Variants in TP63 observed in about 807,000 individuals in gnomAD.
The protein encoded by TP63 is tumor protein 63.
Under a neutral mutation model 82.8 loss-of-function variants are expected in TP63, and 17 were observed. The ratio of observed to expected loss-of-function variants is 0.21; its 90% CI spans 0.14 to 0.31. The LOEUF is 0.31. Ranked by LOEUF, TP63 falls within the 10% of genes least tolerant of loss-of-function variation. The pLI is 1.00. For missense variants in TP63, 648 were observed against 895.3 expected (o/e 0.72, Z 3.52); for synonymous variants, 330 against 321.7 (o/e 1.03, Z -0.28).
At chr3:189,829,958 T>C (rs958120068) in intron 4 of TP63, 1 of 349,266 alleles carries the variant, frequency 2.9e-6, no homozygotes, top group Admixed American at 4.1e-5. Context: ...CAATATTTTC[T>C]TAAATTGTAT....
At chr3:189,666,684 G>A (rs1330728574) in intron 1 of TP63, among the ~76,000 whole-genome samples, 3 of 152,010 alleles carry the variant, frequency 2.0e-5, no homozygotes, top group African/African-American at 7.2e-5. Flanking sequence ...TACCTTGTGA[G>A]GTGTCAAAAA....
At chr3:189,848,988 G>A (rs1715293342) in intron 4 of TP63, among the ~76,000 whole-genome samples, 1 of 152,220 alleles carries the variant, frequency 6.6e-6, no homozygotes, top group South Asian at 2.1e-4. Flanking sequence ...AGGAAGGAGA[G>A]AGAGGCTGAA....
Position 189,875,611 on chromosome 3 carries a change from T to TATATATAC in TP63, c.1349+2623_1349+2624insCATATATA, listed in dbSNP as rs1553859675. Among the ~76,000 whole-genome samples, 74 of 77,026 alleles carry TATATATAC rather than the reference T, an allele frequency of 9.6e-4. 4 individuals are homozygous for TATATATAC. The highest frequency in any genetic ancestry group is 2.9e-3 in the African/African-American group (62 of 21,184). 50.5% of individuals were successfully genotyped at this position (77,026 alleles called of 152,430 possible). ...ATACATACATATATATATATATATA[T>TATATATAC]ATATATATATATATATATATATATA... On this transcript the variant is annotated intron_variant, in intron 10 of 13. Coordinates refer to ENST00000264731, the MANE Select transcript of TP63 (RefSeq NM_003722.5).
chr3:189,845,284 A>G (rs1296531952), intron 4 of TP63, among the ~76,000 whole-genome samples: 2 of 152,174 alleles, frequency 1.3e-5, no homozygotes, highest in African/African-American at 2.4e-5. Flanking sequence ...CCTGTTTGTG[A>G]CTAGTGGCTA....
chr3:189,679,862 T>A (rs1425951868), intron 1 of TP63, among the ~76,000 whole-genome samples: 1 of 152,160 alleles, frequency 6.6e-6, no homozygotes, highest in East Asian at 1.9e-4. Flanking sequence ...TCAACATTTA[T>A]TGAAGAAGCT....
intron 3 of TP63, among the ~76,000 whole-genome samples, chr3:189,769,692 C>T (rs1576914269): frequency 6.6e-6 from 1 of 151,590 alleles, no homozygotes; most frequent in Non-Finnish European, 1.5e-5. Flanking sequence ...ATGACTGTGC[C>T]CATTTAGACA....
In TP63 at chr3:189,889,355, C is replaced by T. The variant is rs1487186623; in HGVS notation, c.1523C>T (p.Thr508Ile). 6 of 1,614,028 alleles carry T rather than the reference C, an allele frequency of 3.7e-6. No individual in the cohort carries two copies. The highest frequency in any genetic ancestry group is 1.3e-5 in the African/African-American group (1 of 74,910). Residue 508 changes from threonine (T) to isoleucine (I), a missense_variant, in exon 12 of 14, where the codon ACC becomes ATC. Coordinates refer to ENST00000264731, the MANE Select transcript of TP63 (RefSeq NM_003722.5). Reference sequence around the variant, plus strand: ...TTCTGTTCAGTTCCCATGATGGGCACCCACATGCCAATGGCTGGAGACATG... The same window carrying T: ...TTCTGTTCAGTTCCCATGATGGGCATCCACATGCCAATGGCTGGAGACATG... Reference protein sequence around the residue: ...GMGANIPMMGTHMPMAGDMNG... With the variant: ...GMGANIPMMGIHMPMAGDMNG...
chr3:189,772,377 G>A (rs1576920805), intron 3 of TP63, among the ~76,000 whole-genome samples: 1 of 152,184 alleles, frequency 6.6e-6, no homozygotes, highest in African/African-American at 2.4e-5. Flanking sequence ...TAGAATCCAG[G>A]TCTCCTAATT....
At chr3:189,620,827 C>T in the TP63 span, among the ~76,000 whole-genome samples, 1 of 152,212 alleles carries the variant, frequency 6.6e-6, no homozygotes. Flanking sequence ...TCTCTTAGCT[C>T]CCACACTCCG....
intron 5 of TP63, among the ~76,000 whole-genome samples, chr3:189,864,948 AGTGAACCAAGATG>A: frequency 6.6e-6 from 1 of 152,234 alleles, no homozygotes; most frequent in Non-Finnish European, 1.5e-5. Flanking sequence ...CCAAGCTTGC[AGTGAACCAAGATG>A]GCACCACTGC....
At chr3:189,734,210 C>T (rs1186156138) in intron 1 of TP63, among the ~76,000 whole-genome samples, 22 of 116,310 alleles carry the variant, frequency 1.9e-4, no homozygotes, top group South Asian at 3.1e-4. Context: ...TCACTCTTGT[C>T]GCCCAGGCTG....
intron 4 of TP63, among the ~76,000 whole-genome samples, chr3:189,818,304 T>G (rs1273617208): frequency 6.6e-6 from 1 of 152,028 alleles, no homozygotes; most frequent in Non-Finnish European, 1.5e-5. Context: ...ATAGATATGT[T>G]TAACTCTATG....
chr3:189,633,668 G>A (rs1409587852), intron 1 of TP63, among the ~76,000 whole-genome samples: 1 of 152,028 alleles, frequency 6.6e-6, no homozygotes, highest in Non-Finnish European at 1.5e-5. Flanking sequence ...GCAGGGGAGG[G>A]CATGTTGAGA....
rs1017746520 is a variant in TP63, at chr3:189,869,234, A to T, written c.1130-90A>T. 2.1e-5 allele frequency: 21 copies of T among 984,510 alleles called. No homozygotes were observed. The African/African-American group carries it at 3.1e-4, about 14-fold the overall frequency. The allele number at this position is 984,510 out of a possible 1,614,324, so 61.0% of individuals were successfully genotyped here. On this transcript the variant is annotated intron_variant, in intron 8 of 13. Coordinates refer to ENST00000264731, the MANE Select transcript of TP63 (RefSeq NM_003722.5). ...TTTAATATGTATATTAAATCTGATT[A>T]ACATTAATATTTAATTATTAAGTAT...
intron 10 of TP63, among the ~76,000 whole-genome samples, chr3:189,875,607 T>TATATATATATATACACAC: frequency 1.8e-5 from 1 of 56,106 alleles, no homozygotes; most frequent in East Asian, 4.3e-4. Flanking sequence ...TATATATATA[T>TATATATATATATACACAC]ATATATATAT....
At chr3:189,820,771 T>C (rs55851920) in intron 4 of TP63, among the ~76,000 whole-genome samples, 21,219 of 152,250 alleles carry the variant, frequency 0.14, 1,617 homozygotes, top group Middle Eastern at 0.2. Flanking sequence ...AAATAGCATG[T>C]TAAAATTCAA....
At chr3:189,744,151 G>A (rs755906184) in intron 3 of TP63, among the ~76,000 whole-genome samples, 1 of 152,136 alleles carries the variant, frequency 6.6e-6, no homozygotes, top group Non-Finnish European at 1.5e-5. Flanking sequence ...CCAAGGCTGA[G>A]GCAAGAGCCA....
chr3:189,861,902 T>C (rs1717090570), intron 4 of TP63, among the ~76,000 whole-genome samples: 1 of 152,194 alleles, frequency 6.6e-6, no homozygotes, highest in Non-Finnish European at 1.5e-5. Flanking sequence ...TATTTTCTTA[T>C]TTATAAAATA....
At chr3:189,622,741 G>A in the TP63 span, among the ~76,000 whole-genome samples, 30 of 152,206 alleles carry the variant, frequency 2.0e-4, 1 homozygote, top group Non-Finnish European at 3.8e-4. Context: ...CACAGCGGCT[G>A]ATGGTTATTT....
Sources: allele counts gnomAD v4.1 joint callset (sites outside exome capture counted in the v4.1 genomes callset), GRCh38; gene constraint gnomAD v4.1.1; transcripts MANE v1.5; gene names NCBI Gene and HGNC (gene_info 2026-07-23, HGNC 2026-07-21).